Variants in PLD5 observed in about 807,000 individuals in gnomAD.
The protein encoded by PLD5 is inactive phospholipase D5.
A neutral mutation model predicts 61.1 loss-of-function variants in PLD5; 36 were observed. The observed-to-expected ratio is 0.59, with a 90% CI of 0.45 to 0.78. The LOEUF (loss-of-function observed/expected upper bound fraction) is 0.78. Ranked by LOEUF, PLD5 falls within the 30% of genes least tolerant of loss-of-function variation. The pLI, the probability that PLD5 is intolerant of heterozygous loss-of-function variation, is 0.00. For synonymous variants in PLD5, 243 were observed against 242.8 expected (o/e 1.00, Z -0.01); for missense variants, 515 against 644.4 (o/e 0.80, Z 2.17).
chr1:242,483,791 T>C (rs1667865296), intron 1 of PLD5, among the ~76,000 whole-genome samples: 3 of 152,124 alleles, frequency 2.0e-5, no homozygotes, highest in Admixed American at 6.5e-5. Context: ...TATTCCAAAA[T>C]TGACCACATA....
At position 242,297,089 on chromosome 1, in the gene PLD5, T is replaced by C. The variant is rs189139693; in HGVS notation, c.327-8559A>G. ...GGCTGGGCATGGTGGCTCATGCCTG[T>C]AATCTCAGCACTTTGGGAGGCCAAG... On this transcript the variant is annotated intron_variant, in intron 2 of 9. Coordinates refer to ENST00000536534, the MANE Select transcript of PLD5 (RefSeq NM_001372062.1). Among the ~76,000 whole-genome samples the C allele has an allele frequency of 2.9e-3, 449 of 152,218 alleles. 3 individuals carry two copies. The highest frequency in any genetic ancestry group is 0.01 in the African/African-American group (435 of 41,540).
chr1:242,421,009 G>A (rs1049878308), intron 1 of PLD5, among the ~76,000 whole-genome samples: 11 of 151,666 alleles, frequency 7.3e-5, no homozygotes, highest in Admixed American at 1.3e-4. Flanking sequence ...GTGAAACCCC[G>A]TCTCTACTAA....
At chr1:242,197,170 C>T (rs1219686698) in intron 5 of PLD5, among the ~76,000 whole-genome samples, 1 of 152,136 alleles carries the variant, frequency 6.6e-6, no homozygotes, top group Non-Finnish European at 1.5e-5. Context: ...TCAGCCAGCC[C>T]AGGAGGGACC....
chr1:242,396,734 G>T (rs75126467), intron 1 of PLD5, among the ~76,000 whole-genome samples: 3 of 146,442 alleles, frequency 2.0e-5, no homozygotes, highest in East Asian at 4.1e-4. Context: ...GTGCAGTGGC[G>T]TAATCTTGGC....
chr1:242,299,561 C>T (rs370125008), intron 2 of PLD5, among the ~76,000 whole-genome samples: 7 of 152,316 alleles, frequency 4.6e-5, no homozygotes, highest in Admixed American at 2.0e-4. Context: ...ACTCCATTGC[C>T]TCTTCCAAGT....
intron 4 of PLD5, among the ~76,000 whole-genome samples, chr1:242,228,417 G>C (rs147265725): frequency 2.6e-4 from 40 of 152,260 alleles, no homozygotes; most frequent in Admixed American, 1.8e-3. Context: ...GGAAAGCCTA[G>C]GTCCCATGTG....
chr1:242,211,637 C>T (rs988539329), intron 5 of PLD5, among the ~76,000 whole-genome samples: 6 of 152,194 alleles, frequency 3.9e-5, no homozygotes, highest in African/African-American at 4.8e-5. Context: ...TCTCATCCGT[C>T]ATGCAGCTGA....
intron 2 of PLD5, among the ~76,000 whole-genome samples, chr1:242,322,456 T>A (rs1403996114): frequency 6.6e-6 from 1 of 152,234 alleles, no homozygotes; most frequent in Non-Finnish European, 1.5e-5. Context: ...TTTGTGCTTG[T>A]GCTACACTTT....
chr1:242,277,905 C>G (rs1310412152), intron 3 of PLD5, among the ~76,000 whole-genome samples: 4 of 152,186 alleles, frequency 2.6e-5, no homozygotes, highest in Non-Finnish European at 5.9e-5. Context: ...ACTGCTTGCA[C>G]CCGGGAGATG....
chr1:242,244,207 T>C (rs1672229243), intron 4 of PLD5, among the ~76,000 whole-genome samples: 1 of 152,220 alleles, frequency 6.6e-6, no homozygotes, highest in Non-Finnish European at 1.5e-5. Flanking sequence ...ATCAGAGGAT[T>C]CATTTCATTT....
At chr1:242,519,394 C>A (rs754937937) in intron 1 of PLD5, among the ~76,000 whole-genome samples, 5 of 152,176 alleles carry the variant, frequency 3.3e-5, no homozygotes, top group Non-Finnish European at 7.4e-5. Flanking sequence ...CAAATTCACA[C>A]TTAGAGGAGA....
At chr1:242,320,712 T>C (rs1255619105) in intron 2 of PLD5, among the ~76,000 whole-genome samples, 1 of 152,114 alleles carries the variant, frequency 6.6e-6, no homozygotes, top group East Asian at 1.9e-4. Context: ...ATAAATATAC[T>C]TAGCATCAAC....
At chr1:242,171,607 A>G (rs1183963427) in intron 5 of PLD5, among the ~76,000 whole-genome samples, 3 of 152,162 alleles carry the variant, frequency 2.0e-5, no homozygotes, top group African/African-American at 7.2e-5. Context: ...AAACTGGACA[A>G]AGAGTCAAGA....
At chr1:242,258,927 A>G (rs1673231962) in intron 4 of PLD5, among the ~76,000 whole-genome samples, 1 of 152,170 alleles carries the variant, frequency 6.6e-6, no homozygotes, top group Admixed American at 6.5e-5. Flanking sequence ...GATTTCACTT[A>G]TTGCTTGGTT....
intron 5 of PLD5, among the ~76,000 whole-genome samples, chr1:242,199,307 T>G (rs1331873054): frequency 3.3e-5 from 5 of 152,150 alleles, no homozygotes; most frequent in East Asian, 1.9e-4. Context: ...TAGGCTGGAG[T>G]GCAGTGGCGC....
chr1:242,221,643 C>A (rs10926657), intron 4 of PLD5, among the ~76,000 whole-genome samples: 17,531 of 152,104 alleles, frequency 0.12, 1,482 homozygotes, highest in African/African-American at 0.23. Context: ...TCTTTGTCTT[C>A]CAAGTGGCGG....
chr1:242,392,537 T>G (rs949789915), intron 1 of PLD5, among the ~76,000 whole-genome samples: 1 of 152,232 alleles, frequency 6.6e-6, no homozygotes, highest in Non-Finnish European at 1.5e-5. Context: ...AAGCTCTGTC[T>G]GCAGTGAGAA....
chr1:242,344,580 T>A (rs1660023890), intron 2 of PLD5, among the ~76,000 whole-genome samples: 1 of 152,192 alleles, frequency 6.6e-6, no homozygotes, highest in South Asian at 2.1e-4. Flanking sequence ...AACATTTGCA[T>A]ATTATTTATT....
At chr1:242,202,682 G>A (rs561083939) in intron 5 of PLD5, among the ~76,000 whole-genome samples, 67 of 152,210 alleles carry the variant, frequency 4.4e-4, no homozygotes, top group Non-Finnish European at 5.6e-4. Context: ...CCAGTTTTAT[G>A]ATACATCTTT....
Sources: gnomAD v4.1 joint callset for allele counts (sites outside exome capture counted in the v4.1 genomes callset) on GRCh38, gnomAD v4.1.1 for gene constraint, MANE v1.5 for transcripts, NCBI Gene and HGNC (gene_info 2026-07-23, HGNC 2026-07-21) for gene names.